The following TBL1XR1 variants were observed in gnomAD, a reference collection of about 807,000 sequenced individuals.
The protein encoded by TBL1XR1 is TBL1X/Y related 1.
A neutral mutation model predicts 66.9 loss-of-function variants in TBL1XR1; 5 were observed. The observed-to-expected ratio is 0.07, with a 90% CI of 0.04 to 0.16. The LOEUF is 0.16. Ranked by LOEUF, TBL1XR1 falls within the 10% of genes least tolerant of loss-of-function variation. TBL1XR1 has a pLI of 1.00. For synonymous variants in TBL1XR1, 210 were observed against 206.0 expected (o/e 1.02, Z -0.17); for missense variants, 238 against 623.2 (o/e 0.38, Z 6.58).
At position 177,173,331 on chromosome 3, in the gene TBL1XR1, T is replaced by C. The variant is rs560753618; in HGVS notation, c.-122+23790A>G. Among the ~76,000 whole-genome samples the C allele has an allele frequency of 2.3e-4, 35 of 152,324 alleles. 1 individual carries two copies. The highest frequency in any genetic ancestry group is 2.2e-3 in the Admixed American group (33 of 15,292). On this transcript the variant is annotated intron_variant, in intron 1 of 15. Transcript: ENST00000457928. ...TTGCATGAGGGCTAGATTAGTAGAC[T>C]CACTTCTAATGAGCAGGTTGAGAAG...
chr3:177,026,452 T>C lies in TBL1XR1; in HGVS notation c.1439A>G (p.Tyr480Cys). Residue 480 changes from tyrosine to cysteine, a missense_variant, in exon 15 of 16, where the codon TAT becomes TGT. By Grantham distance (194) the Tyr-to-Cys change is radical. Transcript: ENST00000457928. ...NTQTGALVHS[Y>C]RGTGGIFEVC... ...TTCAAATATTCCACCTGTTCCCCTA[T>C]AGCTGTGAACTAGAGCACCTGTCTA... The C allele has an allele frequency of 6.2e-7, 1 of 1,610,034 alleles. No homozygotes were observed. The highest frequency in any genetic ancestry group is 1.1e-5 in the South Asian group (1 of 90,316).
At chr3:177,064,065 C>A (rs1718848824) in intron 3 of TBL1XR1, among the ~76,000 whole-genome samples, 1 of 152,128 alleles carries the variant, frequency 6.6e-6, no homozygotes, top group Non-Finnish European at 1.5e-5. Flanking sequence ...CAAGCTTAGA[C>A]CTCTACTTTA....
rs1716285984 is a variant in TBL1XR1 at position 177,046,049 on chromosome 3, A to T, written c.925+80T>A. ...TGATACTTGATATTTCAACATTTAA[A>T]ATAAATTATATGCTGTTAAAAGTTT... On this transcript the variant is annotated intron_variant, in intron 10 of 15. Coordinates refer to ENST00000457928, the MANE Select transcript of TBL1XR1 (RefSeq NM_024665.7). 3 of 1,109,834 alleles carry T rather than the reference A, an allele frequency of 2.7e-6. No homozygotes were observed. The South Asian group carries it at 4.5e-5, about 17-fold the overall frequency. The allele number at this position is 1,109,834 out of a possible 1,614,324, so 68.7% of individuals were successfully genotyped here.
At chr3:177,082,415 T>G (rs1721510342) in intron 2 of TBL1XR1, among the ~76,000 whole-genome samples, 1 of 151,926 alleles carries the variant, frequency 6.6e-6, no homozygotes, top group African/African-American at 2.4e-5. Flanking sequence ...AAATCTTATA[T>G]CTTGTAATTA....
intron 1 of TBL1XR1, among the ~76,000 whole-genome samples, chr3:177,177,532 T>C (rs1734304659): frequency 6.6e-6 from 1 of 152,232 alleles, no homozygotes; most frequent in Admixed American, 6.5e-5. Context: ...GATTGGTCCA[T>C]CAATTATCCA....
At chr3:177,150,690 T>C (rs1311451376) in intron 1 of TBL1XR1, among the ~76,000 whole-genome samples, 1 of 152,176 alleles carries the variant, frequency 6.6e-6, no homozygotes, top group Admixed American at 6.5e-5. Context: ...CAAAATGACC[T>C]TGTGTGTGGA....
intron 3 of TBL1XR1, among the ~76,000 whole-genome samples, chr3:177,060,229 T>G (rs982881383): frequency 1.3e-5 from 2 of 152,186 alleles, no homozygotes; most frequent in African/African-American, 4.8e-5. Context: ...GTTACGTCCC[T>G]CAAGAGAACC....
At chr3:177,172,640 A>AGAGAGAGAGG (rs1733678266) in intron 1 of TBL1XR1, among the ~76,000 whole-genome samples, 1 of 122,548 alleles carries the variant, frequency 8.2e-6, no homozygotes, top group African/African-American at 3.0e-5. Context: ...GAGAAGAGAG[A>AGAGAGAGAGG]GAGAGAGAAA....
intron 10 of TBL1XR1, 67 bp from the exon 11 acceptor site, chr3:177,038,501 T>C (rs1265416960): frequency 7.2e-7 from 1 of 1,396,110 alleles, no homozygotes; most frequent in Admixed American, 3.0e-5. Flanking sequence ...GTTTTAGCTT[T>C]GAACCATTGT....
intron 1 of TBL1XR1, among the ~76,000 whole-genome samples, chr3:177,189,948 T>G (rs560001205): frequency 6.6e-6 from 1 of 151,622 alleles, no homozygotes; most frequent in Admixed American, 6.6e-5. Flanking sequence ...AAGGAAATAA[T>G]GAAGAAAAAA....
At chr3:177,103,230 G>A (rs948559197) in intron 1 of TBL1XR1, among the ~76,000 whole-genome samples, 3 of 152,156 alleles carry the variant, frequency 2.0e-5, no homozygotes, top group East Asian at 1.9e-4. Flanking sequence ...ACCAATAAAG[G>A]TGGATCTTCC....
intron 1 of TBL1XR1, among the ~76,000 whole-genome samples, chr3:177,103,777 T>C (rs1325433386): frequency 1.3e-5 from 2 of 152,166 alleles, no homozygotes; most frequent in Non-Finnish European, 2.9e-5. Context: ...AGGAAGTATA[T>C]CTGGTATCCT....
At chr3:177,031,022 G>A (rs1259914294) in intron 14 of TBL1XR1, among the ~76,000 whole-genome samples, 1 of 152,198 alleles carries the variant, frequency 6.6e-6, no homozygotes, top group Non-Finnish European at 1.5e-5. Flanking sequence ...TGAGGCAGGA[G>A]AATCGCTTGA....
At chr3:177,190,589 A>AT (rs1240943202) in intron 1 of TBL1XR1, among the ~76,000 whole-genome samples, 1 of 152,186 alleles carries the variant, frequency 6.6e-6, no homozygotes, top group Non-Finnish European at 1.5e-5. Context: ...AAGTGCAGAG[A>AT]TTACAGGCGT....
intron 14 of TBL1XR1, chr3:177,026,676 T>G (rs1230300961): frequency 2.1e-6 from 1 of 487,030 alleles, no homozygotes; most frequent in African/African-American, 2.0e-5. Context: ...CTCAAAAGAT[T>G]ACTCACACAC....
chr3:177,194,811 A>G (rs772888896), intron 1 of TBL1XR1, among the ~76,000 whole-genome samples: 4 of 152,216 alleles, frequency 2.6e-5, no homozygotes, highest in Non-Finnish European at 5.9e-5. Flanking sequence ...GAGAATACAA[A>G]TATCAAAAAG....
intron 15 of TBL1XR1, 183 bp downstream of exon 15, chr3:177,026,190 A>C (rs1388435762): frequency 3.4e-6 from 2 of 581,066 alleles, no homozygotes; most frequent in Non-Finnish European, 6.0e-6. Flanking sequence ...GGACAGCCTA[A>C]ATTTTGTTTA....
chr3:177,099,859 G>A (rs1293966907), intron 1 of TBL1XR1, among the ~76,000 whole-genome samples: 1 of 152,204 alleles, frequency 6.6e-6, no homozygotes, highest in Non-Finnish European at 1.5e-5. Flanking sequence ...AATCAATGGA[G>A]CATTTTTGTC....
rs562949213 is a variant in TBL1XR1 at position 177,139,546 on chromosome 3, A to G, written c.-121-41005T>C. ...CAAGACTCCATCTCGGGGGGAAAAA[A>G]AAAAATTAAAGCATAAAAATCTCAA... On this transcript the variant is annotated intron_variant, in intron 1 of 15. Transcript: ENST00000457928. Among the ~76,000 whole-genome samples, 28 of 152,200 alleles carry G rather than the reference A, an allele frequency of 1.8e-4. 1 individual carries two copies. Among genetic ancestry groups the G allele is most frequent in the African/African-American group, 6.7e-4 (28 of 41,514 alleles).
Sources: allele counts gnomAD v4.1 joint callset (sites outside exome capture counted in the v4.1 genomes callset), GRCh38; gene constraint gnomAD v4.1.1; transcripts MANE v1.5; gene names NCBI Gene and HGNC (gene_info 2026-07-23, HGNC 2026-07-21).